CDC42BPA: variants seen among roughly 807,000 people sequenced by gnomAD.
CDC42BPA encodes the protein serine/threonine-protein kinase MRCK alpha.
CDC42BPA carries 80 observed loss-of-function variants against 223.5 expected under a neutral mutation model. The ratio of observed to expected loss-of-function variants is 0.36; its 90% confidence interval spans 0.30 to 0.43. The LOEUF (loss-of-function observed/expected upper bound fraction) is 0.43, where lower values mean the gene tolerates loss of function less well. Ranked by LOEUF, CDC42BPA falls within the 20% of genes least tolerant of loss-of-function variation. The pLI is 1.00. For synonymous variants in CDC42BPA, 694 were observed against 718.6 expected, an observed-to-expected ratio of 0.97 and a Z score of 0.55; for missense variants, 1,743 against 2,099.9, an observed-to-expected ratio of 0.83 and a Z score of 3.32.
At chr1:226,995,982 A>C (rs1473406588) in intron 35 of CDC42BPA, among the ~76,000 whole-genome samples, 1 of 152,244 alleles carries the variant, frequency 6.6e-6, no homozygotes, top group Non-Finnish European at 1.5e-5. Flanking sequence ...AAAAAATGAT[A>C]GTTTAAAGCA....
chr1:227,205,449 GATTTCAT>G (rs1391834980), intron 3 of CDC42BPA, among the ~76,000 whole-genome samples: 2 of 151,632 alleles, frequency 1.3e-5, no homozygotes, highest in African/African-American at 4.8e-5. Context: ...CTTGTAATAT[GATTTCAT>G]TATAATAAAA....
At chr1:227,069,036 T>A (rs1196518913) in intron 21 of CDC42BPA, 1 of 155,704 alleles carries the variant, frequency 6.4e-6, no homozygotes, top group African/African-American at 2.4e-5. Context: ...AGCAATGGAA[T>A]TCCTGAGGCT....
chr1:227,038,151 C>G, intron 24 of CDC42BPA, among the ~76,000 whole-genome samples: 1 of 122,856 alleles, frequency 8.1e-6, no homozygotes, highest in Non-Finnish European at 1.8e-5. Context: ...TCTCTCTGTG[C>G]TGCTCTGGTG....
At chr1:227,159,199 A>G (rs1663381153) in intron 6 of CDC42BPA, among the ~76,000 whole-genome samples, 1 of 152,136 alleles carries the variant, frequency 6.6e-6, no homozygotes, top group Admixed American at 6.6e-5. Flanking sequence ...CAAATTTTCC[A>G]AAGTTGGCCG....
chr1:227,103,372 T>C (rs968068618), intron 14 of CDC42BPA, among the ~76,000 whole-genome samples: 3 of 151,992 alleles, frequency 2.0e-5, no homozygotes, highest in Non-Finnish European at 4.4e-5. Context: ...TGAAGGATAA[T>C]AGTGAGAAAT....
chr1:227,289,888 CAA>C (rs10629910), intron 1 of CDC42BPA, among the ~76,000 whole-genome samples: 8 of 121,030 alleles, frequency 6.6e-5, no homozygotes, highest in South Asian at 2.9e-4. Flanking sequence ...CCTGTCTCTA[CAA>C]AAAAAAAAAA....
chr1:227,000,191 C>T (rs1308605968), intron 35 of CDC42BPA, among the ~76,000 whole-genome samples: 1 of 151,994 alleles, frequency 6.6e-6, no homozygotes, highest in African/African-American at 2.4e-5. Flanking sequence ...GACAACCTCA[C>T]TCCTCAGGAG....
Position 227,197,874 on chromosome 1 carries a change from C to G in CDC42BPA, c.450+1683G>C, listed in dbSNP as rs75626863. Among the ~76,000 whole-genome samples the G allele has an allele frequency of 3.3e-4, 50 of 152,158 alleles. No individual in the cohort carries two copies. The East Asian group carries it at 9.3e-3, about 28-fold the overall frequency. ...TACAAATGTTATTAACAAACCCATG[C>G]AGATTATCTTTGCATGATACATTCA... On this transcript the variant is annotated intron_variant, in intron 4 of 36. Coordinates refer to ENST00000366766, the MANE Select transcript of CDC42BPA (RefSeq NM_001394014.1).
intron 2 of CDC42BPA, among the ~76,000 whole-genome samples, chr1:227,248,053 G>A (rs567680619): frequency 5.9e-5 from 9 of 151,886 alleles, no homozygotes; most frequent in Non-Finnish European, 1.3e-4. Context: ...ATACACAGAG[G>A]TGACAAAAGA....
chr1:227,173,554 C>T (rs1041361739), intron 5 of CDC42BPA, among the ~76,000 whole-genome samples: 3 of 152,056 alleles, frequency 2.0e-5, no homozygotes, highest in Non-Finnish European at 2.9e-5. Context: ...GACAGTCACA[C>T]AGGCAGTAAG....
At chr1:227,224,305 C>G (rs1676472023) in intron 2 of CDC42BPA, among the ~76,000 whole-genome samples, 1 of 151,428 alleles carries the variant, frequency 6.6e-6, no homozygotes, top group Admixed American at 6.6e-5. Context: ...GCAGTCTCAG[C>G]TCACTGCAAC....
chr1:227,264,999 C>T (rs1969230), intron 1 of CDC42BPA: 250,897 of 843,344 alleles, frequency 0.3, 38,926 homozygotes, highest in Admixed American at 0.4. Flanking sequence ...CTTTTTCTTA[C>T]ATTCTTTCTG....
At chr1:227,274,008 A>AAAG (rs1686486401) in intron 1 of CDC42BPA, among the ~76,000 whole-genome samples, 1 of 150,100 alleles carries the variant, frequency 6.7e-6, no homozygotes, top group Admixed American at 6.6e-5. Context: ...AAAAAAAAAA[A>AAAG]AAAAAAAAAA....
intron 2 of CDC42BPA, among the ~76,000 whole-genome samples, chr1:227,237,992 C>T (rs1219429281): frequency 2.9e-5 from 4 of 137,272 alleles, no homozygotes; most frequent in South Asian, 2.3e-4. Context: ...GGGCTGAGAT[C>T]GTGCCATTGC....
rs773993484 is a variant in CDC42BPA, at chr1:227,112,369, T to C, written c.1944A>G (p.Leu648=). 54 of 1,609,224 alleles carry C rather than the reference T, an allele frequency of 3.4e-5. No homozygotes were observed. In the South Asian group the frequency reaches 4.9e-4, roughly 15 times the overall value. The part of the protein sequence containing the change: ...LAAEASKDRK[L]REQSEHYSKQ... The stretch of plus-strand genomic sequence containing the variant: ...TAGAATAGTGCTCACTCTGTTCACG[T>C]AGCTTCCTGTCTTTAGATGCTTCAG... Residue 648 remains leucine (L), a synonymous_variant, in exon 14 of 37, where the codon CTA becomes CTG. Transcript: ENST00000366766.
In CDC42BPA at chr1:227,307,552, T is replaced by A. The variant is rs570909252; in HGVS notation, c.178+9453A>T. Among the ~76,000 whole-genome samples, 18 of 152,318 alleles carry A rather than the reference T, an allele frequency of 1.2e-4. No homozygotes were observed. The South Asian group carries it at 3.7e-3, about 32-fold the overall frequency. The stretch of plus-strand genomic sequence containing the variant: ...GTTTCTACAGCAAACTTTTTGAAAC[T>A]TTTTCTATGATAATGTGCTTTGTAA... On this transcript the variant is annotated intron_variant, in intron 1 of 36. Transcript: ENST00000366766.
chr1:227,256,938 TATATATACAGACACAC>T (rs987131444), intron 1 of CDC42BPA, among the ~76,000 whole-genome samples: 4 of 120,086 alleles, frequency 3.3e-5, no homozygotes, highest in African/African-American at 9.3e-5. Context: ...AAATGTGATA[TATATATACAGACACAC>T]ACACACACAC....
chr1:227,295,263 C>T (rs1033508120), intron 1 of CDC42BPA, among the ~76,000 whole-genome samples: 1 of 152,112 alleles, frequency 6.6e-6, no homozygotes, highest in Non-Finnish European at 1.5e-5. Context: ...CAGGCTCAAG[C>T]GATCCTCCCA....
chr1:227,101,062 C>G lies in CDC42BPA; in HGVS notation c.2179G>C (p.Gly727Arg). Residue 727 changes from glycine (G) to arginine (R), a missense_variant, in exon 15 of 37, where the codon GGT becomes CGT. This residue lies in a region of CDC42BPA where 464 missense variants were observed against 488.0 expected (regional missense o/e 0.95). Coordinates refer to ENST00000366766, the MANE Select transcript of CDC42BPA (RefSeq NM_001394014.1). ...TCTTTGTTGAGAGCAAGTTGCTGAC[C>G]TTCTGAATCATGCAGTTCTTTCTTA... The part of the protein sequence containing the change: ...NLKKELHDSE[G>R]QQLALNKEIM... The G allele has an allele frequency of 6.4e-7, 1 of 1,573,596 alleles. No individual in the cohort carries two copies. Among genetic ancestry groups the G allele is most frequent in the Non-Finnish European group, 8.7e-7 (1 of 1,144,282 alleles).
Sources: allele counts gnomAD v4.1 joint callset (sites outside exome capture counted in the v4.1 genomes callset), GRCh38; gene constraint gnomAD v4.1.1; regional missense constraint gnomAD v4.1.1; transcripts MANE v1.5; gene names NCBI Gene and HGNC (gene_info 2026-07-23, HGNC 2026-07-21).